SEMA3D: variants seen among roughly 807,000 people sequenced by gnomAD.
SEMA3D encodes the protein semaphorin 3D.
A neutral mutation model predicts 100.1 loss-of-function variants in SEMA3D; 84 were observed. The ratio of observed to expected loss-of-function variants is 0.84; its 90% CI spans 0.70 to 1.01. SEMA3D has a LOEUF of 1.01. Ranked by LOEUF, SEMA3D falls within the 50% of genes least tolerant of loss-of-function variation. The pLI is 0.00. For missense variants in SEMA3D, 875 were observed against 934.1 expected (o/e 0.94, Z 0.82); for synonymous variants, 312 against 320.7 (o/e 0.97, Z 0.29).
intron 1 of SEMA3D, among the ~76,000 whole-genome samples, chr7:85,163,789 G>A (rs1478473383): frequency 1.3e-5 from 2 of 152,070 alleles, no homozygotes; most frequent in African/African-American, 2.4e-5. Context: ...TTTCAATCCT[G>A]ATTCAAGTAA....
intron 3 of SEMA3D, among the ~76,000 whole-genome samples, chr7:85,119,002 G>GA (rs60200172): frequency 0.23 from 34,288 of 147,964 alleles, 4,178 homozygotes; most frequent in East Asian, 0.39. Context: ...ACAATCATGT[G>GA]AAAAAAAAAA....
intron 9 of SEMA3D, among the ~76,000 whole-genome samples, chr7:85,052,795 T>C (rs1221634797): frequency 6.6e-6 from 1 of 152,000 alleles, no homozygotes; most frequent in Non-Finnish European, 1.5e-5. Flanking sequence ...AGAAATTATT[T>C]CATATTTTGT....
At chr7:85,173,966 T>G (rs1341593769) in intron 1 of SEMA3D, among the ~76,000 whole-genome samples, 1 of 152,134 alleles carries the variant, frequency 6.6e-6, no homozygotes, top group Non-Finnish European at 1.5e-5. Flanking sequence ...CTAAAGTGAG[T>G]GACTGCCTTT....
intron 18 of SEMA3D, among the ~76,000 whole-genome samples, chr7:85,001,344 T>C (rs1416163863): frequency 6.6e-6 from 1 of 152,210 alleles, no homozygotes; most frequent in Non-Finnish European, 1.5e-5. Context: ...CTTTTTCTTA[T>C]GGATTTATTC....
intron 3 of SEMA3D, among the ~76,000 whole-genome samples, chr7:85,106,997 A>G (rs1342608878): frequency 6.6e-6 from 1 of 152,096 alleles, no homozygotes; most frequent in Admixed American, 6.6e-5. Flanking sequence ...CAGTCACACC[A>G]TATCACCATT....
chr7:85,213,185 C>T, the SEMA3D span, among the ~76,000 whole-genome samples: 1 of 151,908 alleles, frequency 6.6e-6, no homozygotes, highest in Non-Finnish European at 1.5e-5. Context: ...TTTCTCACTA[C>T]CTATTTTATC....
rs965001984 is a variant in SEMA3D at position 85,022,730 on chromosome 7, G to A, written c.1192-117C>T. ...AATAATATTAAATGAATGGACAACA[G>A]AGTCAATATGGAATCATGTGTACTT... On this transcript the variant is annotated intron_variant, in intron 12 of 18. Coordinates refer to ENST00000284136, the MANE Select transcript of SEMA3D (RefSeq NM_001384900.1). The A allele has an allele frequency of 8.8e-6, 6 of 682,488 alleles. No homozygotes were observed. In the African/African-American group the frequency reaches 9.0e-5, roughly 10 times the overall value. The allele number at this position is 682,488 out of a possible 1,614,324, so 42.3% of individuals were successfully genotyped here. A position where few individuals can be genotyped will look rare whatever the true frequency, so the allele number is the denominator to read the frequency against.
intron 3 of SEMA3D, among the ~76,000 whole-genome samples, chr7:85,101,965 A>G (rs1005670334): frequency 2.0e-5 from 3 of 152,030 alleles, no homozygotes; most frequent in African/African-American, 7.2e-5. Context: ...ATGCTATTAA[A>G]TCCACAAATA....
intron 3 of SEMA3D, among the ~76,000 whole-genome samples, chr7:85,115,837 C>T (rs954984163): frequency 6.6e-6 from 1 of 152,064 alleles, no homozygotes; most frequent in Non-Finnish European, 1.5e-5. Context: ...ATTAGTTTGG[C>T]CTGTTCTAGA....
At chr7:85,105,573 C>T (rs374635941) in intron 3 of SEMA3D, among the ~76,000 whole-genome samples, 1 of 152,032 alleles carries the variant, frequency 6.6e-6, no homozygotes, top group Non-Finnish European at 1.5e-5. Context: ...TCTAAAAGCC[C>T]TACAAAAGAC....
chr7:85,066,216 G>C (rs765136924), intron 7 of SEMA3D, among the ~76,000 whole-genome samples: 3 of 151,962 alleles, frequency 2.0e-5, no homozygotes, highest in Admixed American at 1.3e-4. Context: ...ACAGAAAGGA[G>C]CAAAAGAGAG....
chr7:85,077,393 C>A (rs147722551), intron 5 of SEMA3D, among the ~76,000 whole-genome samples: 1 of 151,852 alleles, frequency 6.6e-6, no homozygotes, highest in African/African-American at 2.4e-5. Flanking sequence ...TGTATGTATA[C>A]TCTATACATA....
At chr7:85,003,485 T>A (rs897661525) in intron 18 of SEMA3D, among the ~76,000 whole-genome samples, 1 of 151,104 alleles carries the variant, frequency 6.6e-6, no homozygotes, top group African/African-American at 2.4e-5. Flanking sequence ...GGGGAAGGAG[T>A]CTTTAAGCAT....
chr7:85,217,239 T>C, the SEMA3D span, among the ~76,000 whole-genome samples: 1 of 152,058 alleles, frequency 6.6e-6, no homozygotes, highest in Admixed American at 6.6e-5. Flanking sequence ...TGTGCTTATT[T>C]GTGTTCTGTT....
rs1267963526 is a variant in SEMA3D at position 85,066,570 on chromosome 7, G to C, written c.590-1018C>G. On this transcript the variant is annotated intron_variant, in intron 7 of 18. Transcript: ENST00000284136. The stretch of plus-strand genomic sequence containing the variant: ...CTGCAGGAGAATATGTTGTCTCTTT[G>C]AGAGCTAAACCTCTACTATTTCAAG... 3.9e-5 allele frequency among the ~76,000 whole-genome samples: 6 copies of C among 151,974 alleles called. No homozygotes were observed. The South Asian group carries it at 1.2e-3, about 32-fold the overall frequency.
intron 18 of SEMA3D, among the ~76,000 whole-genome samples, chr7:85,002,960 G>A (rs893645521): frequency 1.3e-5 from 2 of 151,996 alleles, no homozygotes; most frequent in Non-Finnish European, 1.5e-5. Flanking sequence ...TAAAACCACT[G>A]CACGTGCCTT....
chr7:85,060,791 T>C (rs1389103531), intron 8 of SEMA3D, among the ~76,000 whole-genome samples: 1 of 152,198 alleles, frequency 6.6e-6, no homozygotes, highest in Non-Finnish European at 1.5e-5. Context: ...GATGTTCTCC[T>C]TTCATGTGGA....
chr7:85,161,367 G>A (rs1264505520), intron 1 of SEMA3D, among the ~76,000 whole-genome samples: 1 of 151,750 alleles, frequency 6.6e-6, no homozygotes, highest in African/African-American at 2.4e-5. Flanking sequence ...AGCAATAGGG[G>A]TAAATATAAA....
At chr7:85,151,540 A>G (rs1357290261) in intron 2 of SEMA3D, 1 of 708,034 alleles carries the variant, frequency 1.4e-6, no homozygotes, top group African/African-American at 1.9e-5. Flanking sequence ...GACAATATAT[A>G]TTTCTATGCT....
Sources: gnomAD v4.1 joint callset for allele counts (sites outside exome capture counted in the v4.1 genomes callset) on GRCh38, gnomAD v4.1.1 for gene constraint, MANE v1.5 for transcripts, NCBI Gene and HGNC (gene_info 2026-07-23, HGNC 2026-07-21) for gene names.